RNF13: variants seen among roughly 807,000 people sequenced by gnomAD.
RNF13 encodes the protein E3 ubiquitin-protein ligase RNF13.
In RNF13, 19 loss-of-function variants were observed where a neutral mutation model predicts 37.7. That is an observed-to-expected ratio of 0.50 (90% CI 0.35 to 0.74). The LOEUF (loss-of-function observed/expected upper bound fraction) is 0.74. Among genes scored for constraint, RNF13 ranks in the 30% least tolerant of loss-of-function variants. RNF13 has a pLI of 0.01. For synonymous variants in RNF13, 144 were observed against 157.8 expected (o/e 0.91, Z 0.65); for missense variants, 375 against 453.0 (o/e 0.83, Z 1.56).
intron 4 of RNF13, among the ~76,000 whole-genome samples, chr3:149,879,194 T>G (rs995238539): frequency 7.9e-5 from 12 of 152,204 alleles, no homozygotes; most frequent in Non-Finnish European, 1.6e-4. Context: ...TATGTGCAAT[T>G]TAAATAATAG....
intron 1 of RNF13, among the ~76,000 whole-genome samples, chr3:149,822,131 C>T (rs965439101): frequency 1.3e-5 from 2 of 152,052 alleles, no homozygotes; most frequent in East Asian, 3.9e-4. Flanking sequence ...GTTTAGGGCC[C>T]CTTGCAATTC....
intron 3 of RNF13, among the ~76,000 whole-genome samples, chr3:149,856,213 G>A (rs1430185394): frequency 6.6e-6 from 1 of 151,822 alleles, no homozygotes; most frequent in Non-Finnish European, 1.5e-5. Flanking sequence ...AAAATTATTG[G>A]ATTATTATGG....
chr3:149,817,838 G>A (rs552074541), intron 1 of RNF13, among the ~76,000 whole-genome samples: 4 of 152,026 alleles, frequency 2.6e-5, no homozygotes, highest in Non-Finnish European at 5.9e-5. Context: ...CTTCACAAGT[G>A]GGGGGCAAAC....
chr3:149,875,173 A>G (rs923686260), intron 4 of RNF13, among the ~76,000 whole-genome samples: 4 of 152,140 alleles, frequency 2.6e-5, no homozygotes, highest in African/African-American at 7.2e-5. Flanking sequence ...TAATACTACA[A>G]TTGATGGTAG....
chr3:149,882,667 A>G (rs1469040374), intron 4 of RNF13, among the ~76,000 whole-genome samples: 1 of 152,188 alleles, frequency 6.6e-6, no homozygotes, highest in African/African-American at 2.4e-5. Context: ...GTATTGTGCT[A>G]TGCACTTACC....
chr3:149,958,574 G>A (rs188042505), intron 8 of RNF13, among the ~76,000 whole-genome samples: 20 of 152,284 alleles, frequency 1.3e-4, no homozygotes, highest in African/African-American at 4.6e-4. Context: ...GTCAGTTCCT[G>A]TTCAGCTACA....
intron 2 of RNF13, among the ~76,000 whole-genome samples, chr3:149,848,773 A>G (rs1188033138): frequency 6.6e-6 from 1 of 152,042 alleles, no homozygotes; most frequent in Non-Finnish European, 1.5e-5. Flanking sequence ...GTTGAATTCA[A>G]TTCACAGACA....
At chr3:149,951,552 G>A (rs1721341324) in intron 8 of RNF13, among the ~76,000 whole-genome samples, 1 of 152,156 alleles carries the variant, frequency 6.6e-6, no homozygotes, top group Non-Finnish European at 1.5e-5. Context: ...GCCTGTAGCT[G>A]TATTTGCTTA....
intron 4 of RNF13, among the ~76,000 whole-genome samples, chr3:149,890,122 A>G (rs770929693): frequency 2.6e-5 from 4 of 152,218 alleles, no homozygotes; most frequent in African/African-American, 7.2e-5. Context: ...GGCCAAAGGC[A>G]TTCTCCAAGT....
At chr3:149,882,478 T>C (rs552685838) in intron 4 of RNF13, among the ~76,000 whole-genome samples, 1 of 152,312 alleles carries the variant, frequency 6.6e-6, no homozygotes, top group South Asian at 2.1e-4. Flanking sequence ...TTAAGGAACA[T>C]TAAAGCCTGG....
Position 149,872,165 on chromosome 3 carries a change from C to T in RNF13, c.321+11C>T. The T allele has an allele frequency of 1.3e-6, 2 of 1,512,938 alleles. No homozygotes were observed. The highest frequency in any genetic ancestry group is 1.8e-6 in the Non-Finnish European group (2 of 1,118,250). The allele number at this position is 1,512,938 out of a possible 1,614,324, so 93.7% of individuals were successfully genotyped here. On this transcript the variant is annotated intron_variant, in intron 4 of 9. Coordinates refer to ENST00000392894, the MANE Select transcript of RNF13 (RefSeq NM_183381.3). ...AATTTTGATATAAAGGTATGATTAT[C>T]TTTTTTCATTTTTTGTTTCCTATTT...
chr3:149,816,414 C>T (rs1719456857), intron 1 of RNF13, among the ~76,000 whole-genome samples: 1 of 152,104 alleles, frequency 6.6e-6, no homozygotes, highest in Admixed American at 6.5e-5. Context: ...GGGGAAGCTC[C>T]TCCTCAATTT....
chr3:149,864,241 G>T (rs1198621763), intron 3 of RNF13, among the ~76,000 whole-genome samples: 3 of 151,838 alleles, frequency 2.0e-5, no homozygotes, highest in Non-Finnish European at 4.4e-5. Context: ...TCCTGTACGA[G>T]CTAGTTGTTC....
intron 4 of RNF13, among the ~76,000 whole-genome samples, chr3:149,877,506 T>G (rs1712883337): frequency 6.6e-6 from 1 of 150,550 alleles, no homozygotes; most frequent in African/African-American, 2.4e-5. Flanking sequence ...GATTTTTTTG[T>G]TATCTCAGAA....
rs1247486444 is a variant in RNF13 at position 149,961,089 on chromosome 3, A to G, written c.1131A>G (p.Ile377Met). ...CTAATGGTGAACGGGATTACAACAT[A>G]GCAAATACTGTTTGACTTTCAGAAG... ...LQPNGERDYN[I>M]ANTV Residue 377 changes from isoleucine (I) to methionine (M), a missense_variant, in exon 10 of 10, where the codon ATA becomes ATG. Ile to Met is a conservative substitution (Grantham distance 10). Coordinates refer to ENST00000392894, the MANE Select transcript of RNF13 (RefSeq NM_183381.3). The G allele has an allele frequency of 6.2e-7, 1 of 1,603,874 alleles. No homozygotes were observed. Among genetic ancestry groups the G allele is most frequent in the Admixed American group, 1.7e-5 (1 of 58,920 alleles).
At chr3:149,910,705 C>A (rs1406510870) in intron 6 of RNF13, among the ~76,000 whole-genome samples, 1 of 152,208 alleles carries the variant, frequency 6.6e-6, no homozygotes, top group Non-Finnish European at 1.5e-5. Context: ...AAAAAATTAA[C>A]TAGCAGTGGA....
chr3:149,903,682 C>T (rs1716082894), intron 6 of RNF13, among the ~76,000 whole-genome samples: 1 of 152,048 alleles, frequency 6.6e-6, no homozygotes, highest in Admixed American at 6.5e-5. Context: ...TATATTGTGG[C>T]ATTGAAAAAT....
chr3:149,880,319 C>A (rs1713239186), intron 4 of RNF13, among the ~76,000 whole-genome samples: 1 of 152,030 alleles, frequency 6.6e-6, no homozygotes. Flanking sequence ...AATATGAATC[C>A]TATCAGTGTC....
At chr3:149,824,844 G>C (rs1720333898) in intron 1 of RNF13, among the ~76,000 whole-genome samples, 1 of 149,310 alleles carries the variant, frequency 6.7e-6, no homozygotes, top group African/African-American at 2.5e-5. Context: ...CTTATTTTAA[G>C]TTCAGGAGTA....
Sources: gnomAD v4.1 joint callset for allele counts (sites outside exome capture counted in the v4.1 genomes callset) on GRCh38, gnomAD v4.1.1 for gene constraint, MANE v1.5 for transcripts, NCBI Gene and HGNC (gene_info 2026-07-23, HGNC 2026-07-21) for gene names.